Variants in PSMA1 observed in about 807,000 individuals in gnomAD.
The protein encoded by PSMA1 is proteasome subunit alpha type-1.
PSMA1 carries 3 observed loss-of-function variants against 38.4 expected under a neutral mutation model. That is an observed-to-expected ratio of 0.08 (90% CI 0.04 to 0.20). The LOEUF (loss-of-function observed/expected upper bound fraction) is 0.20. Among genes scored for constraint, PSMA1 ranks in the 10% least tolerant of loss-of-function variants. The pLI is 1.00. For missense variants in PSMA1, 227 were observed against 325.3 expected, an observed-to-expected ratio of 0.70 and a Z score of 2.32; for synonymous variants, 101 against 107.1, an observed-to-expected ratio of 0.94 and a Z score of 0.35.
chr11:14,546,696 A>G (rs1248722478), intron 2 of PSMA1, among the ~76,000 whole-genome samples: 4 of 152,164 alleles, frequency 2.6e-5, no homozygotes, highest in Admixed American at 2.6e-4. Flanking sequence ...TTGACCTCCC[A>G]AAGAGCTGGA....
At chr11:14,619,458 T>C (rs1016573086) in intron 1 of PSMA1, among the ~76,000 whole-genome samples, 1 of 151,766 alleles carries the variant, frequency 6.6e-6, no homozygotes, top group African/African-American at 2.4e-5. Flanking sequence ...ATCTGTAATA[T>C]AGATTTATAC....
chr11:14,550,185 C>T (rs556201931), intron 2 of PSMA1, among the ~76,000 whole-genome samples: 2 of 152,218 alleles, frequency 1.3e-5, no homozygotes, highest in East Asian at 1.9e-4. Context: ...CGTGAAAAAG[C>T]GTCCTTGTGC....
At chr11:14,637,573 T>G (rs2133725552) in intron 1 of PSMA1, among the ~76,000 whole-genome samples, 1 of 152,332 alleles carries the variant, frequency 6.6e-6, no homozygotes. Flanking sequence ...CTAATATGAA[T>G]GAAATTGGTT....
At chr11:14,605,342 T>C (rs1852630460) in intron 2 of PSMA1, among the ~76,000 whole-genome samples, 1 of 152,186 alleles carries the variant, frequency 6.6e-6, no homozygotes, top group Admixed American at 6.6e-5. Context: ...CACTTCTGTG[T>C]CCTCTTTTGG....
At chr11:14,517,141 TATAG>T (rs1385311247) in intron 4 of PSMA1, among the ~76,000 whole-genome samples, 2 of 152,320 alleles carry the variant, frequency 1.3e-5, no homozygotes, top group Non-Finnish European at 2.9e-5. Context: ...TCTGTTATAT[TATAG>T]ATAAACTACA....
intron 1 of PSMA1, among the ~76,000 whole-genome samples, chr11:14,636,170 TA>T (rs1223081593): frequency 1.3e-5 from 2 of 152,178 alleles, no homozygotes; most frequent in Non-Finnish European, 2.9e-5. Context: ...AATGTCAAAA[TA>T]AGTGTTAATT....
Position 14,505,133 on chromosome 11 carries a change from A to C in PSMA1, c.*59T>G. The C allele has an allele frequency of 7.1e-7, 1 of 1,405,880 alleles. No individual in the cohort carries two copies. Among genetic ancestry groups the C allele is most frequent in the Non-Finnish European group, 1.0e-6 (1 of 991,362 alleles). 87.1% of individuals were successfully genotyped at this position (1,405,880 alleles called of 1,614,324 possible). A position where few individuals can be genotyped will look rare whatever the true frequency, so the allele number is the denominator to read the frequency against. On this transcript the variant is annotated 3_prime_UTR_variant, in exon 10 of 10. Coordinates refer to ENST00000396394, the MANE Select transcript of PSMA1 (RefSeq NM_002786.4). The stretch of plus-strand genomic sequence containing the variant: ...GTTCAAAGTATAGATTATTGTCATC[A>C]GTATGTGGTGCCTGTATTCTTACAT...
At chr11:14,637,174 C>G (rs911625359) in intron 1 of PSMA1, among the ~76,000 whole-genome samples, 4 of 152,134 alleles carry the variant, frequency 2.6e-5, no homozygotes, top group Non-Finnish European at 5.9e-5. Flanking sequence ...TCCCATCTTC[C>G]CTCCCCCACA....
At chr11:14,611,266 G>C (rs1016369745) in intron 1 of PSMA1, 9 of 423,180 alleles carry the variant, frequency 2.1e-5, no homozygotes, top group African/African-American at 1.8e-4. Flanking sequence ...GGGGTAAGTA[G>C]ATACAGGCCA....
At chr11:14,558,318 C>T (rs1337889270) in intron 2 of PSMA1, among the ~76,000 whole-genome samples, 1 of 151,276 alleles carries the variant, frequency 6.6e-6, no homozygotes, top group African/African-American at 2.4e-5. Flanking sequence ...GCTAGAAAGG[C>T]TGAGACAGGA....
chr11:14,558,297 TA>T (rs1471240832), intron 2 of PSMA1, among the ~76,000 whole-genome samples: 7 of 150,278 alleles, frequency 4.7e-5, no homozygotes, highest in African/African-American at 1.7e-4. Context: ...CACACATCTG[TA>T]GTCCCAGCTG....
intron 1 of PSMA1, among the ~76,000 whole-genome samples, chr11:14,612,706 T>G (rs1852724556): frequency 6.6e-6 from 1 of 152,176 alleles, no homozygotes; most frequent in Non-Finnish European, 1.5e-5. Context: ...TTGTCAAGCA[T>G]TTTTAGTATC....
intron 1 of PSMA1, among the ~76,000 whole-genome samples, chr11:14,622,969 G>C (rs1405116630): frequency 6.6e-6 from 1 of 152,194 alleles, no homozygotes; most frequent in Non-Finnish European, 1.5e-5. Context: ...GAATTACTGG[G>C]ACTGGTAGAG....
At chr11:14,520,202 C>T (rs745562381) in intron 1 of PSMA1, 95 bp downstream of exon 1, 44 of 1,579,594 alleles carry the variant, frequency 2.8e-5, no homozygotes, top group Non-Finnish European at 3.7e-5. Flanking sequence ...CCTCGTGGCA[C>T]CGGGCGACGC....
intron 2 of PSMA1, among the ~76,000 whole-genome samples, chr11:14,542,081 T>C (rs977433522): frequency 6.6e-6 from 1 of 152,214 alleles, no homozygotes; most frequent in Non-Finnish European, 1.5e-5. Context: ...AAACTATAAT[T>C]ACTTAATTTT....
At chr11:14,597,550 C>T (rs1389894925) in intron 2 of PSMA1, among the ~76,000 whole-genome samples, 2 of 152,166 alleles carry the variant, frequency 1.3e-5, no homozygotes, top group Non-Finnish European at 2.9e-5. Context: ...TTATAGCATT[C>T]TCTGATGGTA....
Position 14,569,905 on chromosome 11 carries a change from G to A in PSMA1, c.21+41061C>T, listed in dbSNP as rs1195551442. 2.0e-5 allele frequency among the ~76,000 whole-genome samples: 3 copies of A among 152,352 alleles called. No individual in the cohort carries two copies. The South Asian group carries it at 6.2e-4, about 32-fold the overall frequency. On this transcript the variant is annotated intron_variant, in intron 2 of 10. Transcript: ENST00000418988. Reference sequence around the variant, plus strand: ...TTTGAGATCTGAGAACAGACAGACTGCCTCCTCAAGTGGGTCCCTGACCCC... The same window carrying A: ...TTTGAGATCTGAGAACAGACAGACTACCTCCTCAAGTGGGTCCCTGACCCC...
intron 2 of PSMA1, among the ~76,000 whole-genome samples, chr11:14,609,093 T>C (rs989239257): frequency 1.3e-5 from 2 of 152,168 alleles, no homozygotes; most frequent in Admixed American, 6.6e-5. Context: ...CCCCACTTAA[T>C]AAAATAAAGT....
At chr11:14,531,297 C>T (rs905199103) in intron 2 of PSMA1, among the ~76,000 whole-genome samples, 1 of 152,100 alleles carries the variant, frequency 6.6e-6, no homozygotes, top group Non-Finnish European at 1.5e-5. Context: ...CCACTCAAAT[C>T]GACCCTGGGG....
Sources: allele counts gnomAD v4.1 joint callset (sites outside exome capture counted in the v4.1 genomes callset), GRCh38; gene constraint gnomAD v4.1.1; transcripts MANE v1.5; gene names NCBI Gene and HGNC (gene_info 2026-07-23, HGNC 2026-07-21).